A3GALT2: variants seen among roughly 807,000 people sequenced by gnomAD.
A3GALT2 encodes alpha 1,3-galactosyltransferase 2.
A3GALT2 carries 14 observed loss-of-function variants against 16.6 expected under a neutral mutation model. The ratio of observed to expected loss-of-function variants is 0.84; its 90% CI spans 0.56 to 1.32. The LOEUF is 1.32. Ranked by LOEUF, A3GALT2 falls within the 40% of genes most tolerant of loss-of-function variation. The probability of loss-of-function intolerance (pLI) is 0.00; values close to 1 mark genes in which losing one functional copy is unlikely to be tolerated. For missense variants in A3GALT2, 600 were observed against 490.9 expected (o/e 1.22, Z -2.10); for synonymous variants, 253 against 218.0 (o/e 1.16, Z -1.42).
chr1:33,309,825 C>T (rs1337153638), intron 4 of A3GALT2, among the ~76,000 whole-genome samples: 2 of 150,964 alleles, frequency 1.3e-5, no homozygotes, highest in Admixed American at 6.6e-5. Flanking sequence ...CCAGACTGGG[C>T]GGCCGGGCAG....
Position 33,307,181 on chromosome 1 carries a change from T to G in A3GALT2, c.608A>C (p.His203Pro), listed in dbSNP as rs773474485. The part of the protein sequence containing the change: ...HFMFCMDVDQ[H>P]FSGTFGPEAL... ...CTCGGGCCCAAAAGTGCCGCTGAAG[T>G]GCTGGTCCACGTCCATGCAGAACAT... The change falls in exon 5 of 5, where the codon CAC becomes CCC. Residue 203 changes from histidine (H) to proline (P), a missense_variant. His to Pro is a moderately conservative substitution (Grantham distance 77). Coordinates refer to ENST00000442999, the MANE Select transcript of A3GALT2 (RefSeq NM_001080438.1). 2.0e-5 allele frequency: 31 copies of G among 1,550,530 alleles called. No homozygotes were observed. Among genetic ancestry groups the G allele is most frequent in the Non-Finnish European group, 2.3e-5 (26 of 1,151,792 alleles).
At chr1:33,309,909 G>A (rs370597291) in intron 4 of A3GALT2, among the ~76,000 whole-genome samples, 13 of 152,228 alleles carry the variant, frequency 8.5e-5, no homozygotes, top group Admixed American at 2.6e-4. Flanking sequence ...GGAGGCGGCC[G>A]GGCAGAGGCT....
intron 4 of A3GALT2, among the ~76,000 whole-genome samples, chr1:33,308,750 G>GTTGTTTTTTTTTTTTTTTTTTT (rs1646216251): frequency 2.2e-4 from 10 of 46,130 alleles, no homozygotes; most frequent in Non-Finnish European, 2.7e-4. Context: ...TGTCAAAGTT[G>GTTGTTTTTTTTTTTTTTTTTTT]TTTTTTTTTT....
chr1:33,319,010 T>C (rs769793741), intron 1 of A3GALT2, among the ~76,000 whole-genome samples: 5 of 152,250 alleles, frequency 3.3e-5, no homozygotes, highest in Non-Finnish European at 7.3e-5. Context: ...GCACTCCTTA[T>C]GCATAATCCC....
chr1:33,312,715 A>G lies in A3GALT2; in HGVS notation c.107+92T>C, dbSNP rs112918810. On this transcript the variant is annotated intron_variant, in intron 2 of 4. Coordinates refer to ENST00000442999, the MANE Select transcript of A3GALT2 (RefSeq NM_001080438.1). ...CAAGGACACTTGAGCTGAGTTAGCC[A>G]CTGCCCTCCATCCCTCAAGGAGGCA... 7.6e-6 allele frequency: 11 copies of G among 1,446,646 alleles called. 1 individual carries two copies. The highest frequency in any genetic ancestry group is 2.1e-4 in the Middle Eastern group (1 of 4,810). 89.6% of individuals were successfully genotyped at this position (1,446,646 alleles called of 1,614,324 possible).
chr1:33,307,336 C>T lies in A3GALT2; in HGVS notation c.453G>A (p.Ala151=), dbSNP rs370480414. 196 of 1,533,004 alleles carry T rather than the reference C, an allele frequency of 1.3e-4. No homozygotes were observed. The African/African-American group carries it at 2.6e-3, about 20-fold the overall frequency. 95.0% of individuals were successfully genotyped at this position (1,533,004 alleles called of 1,614,324 possible). A position where few individuals can be genotyped will look rare whatever the true frequency, so the allele number is the denominator to read the frequency against. Residue 151 remains alanine, a synonymous_variant, in exon 5 of 5, where the codon GCG becomes GCA. Coordinates refer to ENST00000442999, the MANE Select transcript of A3GALT2 (RefSeq NM_001080438.1). The stretch of plus-strand genomic sequence containing the variant: ...CGGGCAGCCGGCGTCCCGGGCCCAG[C>T]GCCACGCGGGGCACCGCTCCCGGAA... ...TELPGAVPRV[A]LGPGRRLPVE...
intron 3 of A3GALT2, 128 bp from the exon 4 acceptor site, chr1:33,312,317 T>C: frequency 7.1e-7 from 1 of 1,405,026 alleles, no homozygotes; most frequent in Non-Finnish European, 9.6e-7. Context: ...TTGCTGCCCC[T>C]GGAAGCCTCC....
At chr1:33,312,000 C>T (rs1354790435) in intron 4 of A3GALT2, 52 bp downstream of exon 4, 26 of 1,607,656 alleles carry the variant, frequency 1.6e-5, no homozygotes, top group East Asian at 8.9e-5. Context: ...ATCACATGCA[C>T]ACCCCTCCCA....
At chr1:33,315,992 C>T (rs61799555) in intron 1 of A3GALT2, among the ~76,000 whole-genome samples, 8 of 151,956 alleles carry the variant, frequency 5.3e-5, no homozygotes, top group African/African-American at 7.3e-5. Context: ...GTGTGGAACA[C>T]GGCACAATGA....
intron 1 of A3GALT2, among the ~76,000 whole-genome samples, chr1:33,315,978 A>C (rs1051915943): frequency 6.6e-6 from 1 of 152,210 alleles, no homozygotes; most frequent in South Asian, 2.1e-4. Context: ...CACTGAAAAC[A>C]GATGTGTGGA....
At chr1:33,314,009 C>G (rs1646249660) in intron 1 of A3GALT2, 1 of 152,288 alleles carries the variant, frequency 6.6e-6, no homozygotes, top group Admixed American at 6.6e-5. Flanking sequence ...CTCCCTGCCC[C>G]TACAAATCCA....
Position 33,307,438 on chromosome 1 carries a change from G to GTAC in A3GALT2, c.348_350dup (p.Lys116_Tyr117insTer), listed in dbSNP as rs758673306. On this transcript the variant is annotated stop_gained, in exon 5 of 5. Transcript: ENST00000442999. LOFTEE classifies it low-confidence loss of function (END_TRUNC). ...CCGCCGTCTCCAGGAAGCGCTCCAG[G>GTAC]TACTTCTCCAGGTATCTAAGGGCGC... The GTAC allele has an allele frequency of 1.6e-5, 24 of 1,524,096 alleles. No individual in the cohort carries two copies. The East Asian group carries it at 6.1e-4, about 39-fold the overall frequency. 94.4% of individuals were successfully genotyped at this position (1,524,096 alleles called of 1,614,324 possible). A position where few individuals can be genotyped will look rare whatever the true frequency, so the allele number is the denominator to read the frequency against.
chr1:33,308,059 C>A (rs1432681149), intron 4 of A3GALT2, among the ~76,000 whole-genome samples: 10 of 22,752 alleles, frequency 4.4e-4, no homozygotes, highest in Non-Finnish European at 4.6e-4. Flanking sequence ...TTACCCCCAC[C>A]CCACCAGTGC....
rs772625352 is a variant in A3GALT2, at chr1:33,307,225, C to G, written c.564G>C (p.Pro188=). The G allele has an allele frequency of 8.7e-6, 13 of 1,496,894 alleles. No homozygotes were observed. The highest frequency in any genetic ancestry group is 5.8e-5 in the African/African-American group (4 of 68,790). The allele number at this position is 1,496,894 out of a possible 1,614,324, so 92.7% of individuals were successfully genotyped here. A position where few individuals can be genotyped will look rare whatever the true frequency, so the allele number is the denominator to read the frequency against. The change falls in exon 5 of 5, where the codon CCG becomes CCC. Residue 188 remains proline, a synonymous_variant. Coordinates refer to ENST00000442999, the MANE Select transcript of A3GALT2 (RefSeq NM_001080438.1). ...RTLHAALGGL[P]GREAHFMFCM... ...AGAACATGAAGTGCGCCTCGCGGCC[C>G]GGCAGCCCGCCCAGCGCCGCGTGCA...
At chr1:33,319,221 C>T (rs1013643849) in intron 1 of A3GALT2, among the ~76,000 whole-genome samples, 4 of 152,170 alleles carry the variant, frequency 2.6e-5, no homozygotes, top group Admixed American at 2.0e-4. Context: ...TGGGATCAAT[C>T]GCTGAGAACA....
rs183467773 is a variant in A3GALT2, at chr1:33,312,769, G to A, written c.107+38C>T. 1.6e-3 allele frequency: 2,520 copies of A among 1,561,522 alleles called. 13 individuals are homozygous for A. The highest frequency in any genetic ancestry group is 1.3e-3 in the Non-Finnish European group (1,487 of 1,145,832). Reference sequence around the variant, plus strand: ...AGACAGATCCCCTTTAAACCTGACTGTGGTCCTACCTCAAGTGCTGGGGAA... The same window carrying A: ...AGACAGATCCCCTTTAAACCTGACTATGGTCCTACCTCAAGTGCTGGGGAA... On this transcript the variant is annotated intron_variant, in intron 2 of 4. Transcript: ENST00000442999.
intron 1 of A3GALT2, among the ~76,000 whole-genome samples, chr1:33,319,087 C>G (rs1486823423): frequency 6.6e-6 from 1 of 152,256 alleles, no homozygotes; most frequent in Middle Eastern, 3.4e-3. Context: ...CACCACAGCC[C>G]CTTGAAGGAG....
chr1:33,307,239 G>A lies in A3GALT2; in HGVS notation c.550C>T (p.Leu184=), dbSNP rs1350664921. 3 of 1,483,986 alleles carry A rather than the reference G, an allele frequency of 2.0e-6. No homozygotes were observed. The highest frequency in any genetic ancestry group is 2.7e-6 in the Non-Finnish European group (3 of 1,118,284). 91.9% of individuals were successfully genotyped at this position (1,483,986 alleles called of 1,614,324 possible). A position where few individuals can be genotyped will look rare whatever the true frequency, so the allele number is the denominator to read the frequency against. Residue 184 remains leucine, a synonymous_variant, in exon 5 of 5, where the codon CTG becomes TTG. Transcript: ENST00000442999. The stretch of plus-strand genomic sequence containing the variant: ...GCCTCGCGGCCCGGCAGCCCGCCCA[G>A]CGCCGCGTGCAACGTGCGCATGCGC... The part of the protein sequence containing the change: ...MARMRTLHAA[L]GGLPGREAHF...
At chr1:33,318,143 C>G (rs963557754) in intron 1 of A3GALT2, among the ~76,000 whole-genome samples, 1 of 152,172 alleles carries the variant, frequency 6.6e-6, no homozygotes, top group African/African-American at 2.4e-5. Flanking sequence ...TCACGTATAG[C>G]CGCGTTCTTT....
Sources: allele counts gnomAD v4.1 joint callset (sites outside exome capture counted in the v4.1 genomes callset), GRCh38; gene constraint gnomAD v4.1.1; transcripts MANE v1.5; gene names NCBI Gene and HGNC (gene_info 2026-07-23, HGNC 2026-07-21).